OTOG: variants seen among roughly 807,000 people sequenced by gnomAD.
OTOG encodes otogelin.
In OTOG, 296 loss-of-function variants were observed where a neutral mutation model predicts 313.8. The observed-to-expected ratio is 0.94, with a 90% CI of 0.86 to 1.04. The LOEUF is 1.04. OTOG is among the 50% of genes least tolerant of loss of function. OTOG has a pLI of 0.00. For synonymous variants in OTOG, 1,533 were observed against 1,554.9 expected (o/e 0.99, Z 0.33); for missense variants, 3,948 against 3,840.1 (o/e 1.03, Z -0.74).
In OTOG at chr11:17,633,699, C is replaced by T; in HGVS notation, c.7092C>T (p.Asp2364=). ...SDYCPFLCSS[D]STYQACVTAC... The stretch of plus-strand genomic sequence containing the variant: ...CTGCAGCCTTCCTGTGCTCCAGCGA[C>T]TCCACATACCAGGCATGTGTGACAG... The change falls in exon 43 of 56, where the codon GAC becomes GAT. Residue 2364 remains aspartate, a synonymous_variant. Coordinates refer to ENST00000399397, the MANE Select transcript of OTOG (RefSeq NM_001292063.2). 6.5e-7 allele frequency: 1 copy of T among 1,542,846 alleles called. No individual in the cohort carries two copies. The highest frequency in any genetic ancestry group is 1.4e-5 in the African/African-American group (1 of 73,022).
chr11:17,616,194 C>T (rs1266183655), intron 39 of OTOG, among the ~76,000 whole-genome samples: 2 of 151,826 alleles, frequency 1.3e-5, no homozygotes, highest in Non-Finnish European at 2.9e-5. Context: ...AAGTAGAGGA[C>T]AACAAGTGTA....
chr11:17,578,596 G>C (rs1178397787), intron 23 of OTOG, 70 bp downstream of exon 23: 1 of 1,450,664 alleles, frequency 6.9e-7, no homozygotes, highest in African/African-American at 1.4e-5. Flanking sequence ...AGGGTGGAGT[G>C]GGGGCAGGGA....
At position 17,596,164 on chromosome 11, in the gene OTOG, C is replaced by A. The variant is rs113275496; in HGVS notation, c.3525+10C>A. ...GATCTGCCACCCTGTGGTGAGTGTA[C>A]CCCAGCCTCGGCTCCTCCCGAGTGC... On this transcript the variant is annotated intron_variant, in intron 29 of 55. Transcript: ENST00000399397. 8.1e-4 allele frequency: 1,243 copies of A among 1,539,728 alleles called. 9 individuals carry two copies. In the African/African-American group the frequency reaches 0.014, roughly 18 times the overall value.
rs780024041 is a variant in OTOG at position 17,631,744 on chromosome 11, A to G, written c.6755A>G (p.Asp2252Gly). The G allele has an allele frequency of 2.5e-5, 39 of 1,550,454 alleles. No homozygotes were observed. In the South Asian group the frequency reaches 4.5e-4, roughly 18 times the overall value. ...GCAGCCAATGACCTTACCCTGAAGG[A>G]TGGCTCAGTGGTGGGTGGGGCTGAG... ...GDAANDLTLK[D>G]GSVVGGAEDP... The change falls in exon 41 of 56, where the codon GAT becomes GGT. Residue 2252 changes from aspartate to glycine, a missense_variant. Asp to Gly is a moderately conservative substitution (Grantham distance 94). Coordinates refer to ENST00000399397, the MANE Select transcript of OTOG (RefSeq NM_001292063.2).
At chr11:17,595,056 C>T (rs751746771) in intron 28 of OTOG, among the ~76,000 whole-genome samples, 3 of 152,124 alleles carry the variant, frequency 2.0e-5, no homozygotes, top group Non-Finnish European at 4.4e-5. Flanking sequence ...GATCTTAATG[C>T]CCTGCTGGGA....
At chr11:17,613,166 TC>T (rs752728952) in intron 38 of OTOG, among the ~76,000 whole-genome samples, 1 of 144,392 alleles carries the variant, frequency 6.9e-6, no homozygotes, top group East Asian at 2.0e-4. Flanking sequence ...TCTTCTCTTC[TC>T]CCTTTTCTTT....
At chr11:17,578,671 G>A (rs1020576096) in intron 23 of OTOG, 145 bp downstream of exon 23, 3 of 1,104,806 alleles carry the variant, frequency 2.7e-6, no homozygotes, top group Non-Finnish European at 3.7e-6. Context: ...GTAATGGCCA[G>A]AGAGGAGTCT....
chr11:17,619,230 G>A (rs914412641), intron 39 of OTOG, among the ~76,000 whole-genome samples: 25 of 152,120 alleles, frequency 1.6e-4, no homozygotes, highest in Non-Finnish European at 3.1e-4. Context: ...GTGATTGCAC[G>A]ACTGCACTCC....
chr11:17,635,532 C>T (rs1854243565), intron 46 of OTOG, 78 bp from the exon 47 acceptor site: 1 of 1,192,728 alleles, frequency 8.4e-7, no homozygotes. Context: ...TTGAGGAGGC[C>T]CCACCCCCAG....
intron 31 of OTOG, among the ~76,000 whole-genome samples, chr11:17,601,864 A>G (rs1361198455): frequency 6.6e-6 from 1 of 152,182 alleles, no homozygotes; most frequent in Non-Finnish European, 1.5e-5. Flanking sequence ...GGGACCTTGA[A>G]TAGAGCAGTG....
chr11:17,577,040 C>T lies in OTOG; in HGVS notation c.2605+129C>T, dbSNP rs945394563. 5 of 937,698 alleles carry T rather than the reference C, an allele frequency of 5.3e-6. No individual in the cohort carries two copies. In the African/African-American group the frequency reaches 8.4e-5, roughly 16 times the overall value. 58.1% of individuals were successfully genotyped at this position (937,698 alleles called of 1,614,324 possible). A position where few individuals can be genotyped will look rare whatever the true frequency, so the allele number is the denominator to read the frequency against. On this transcript the variant is annotated intron_variant, in intron 22 of 55. Transcript: ENST00000399397. ...TGCCCTACATTGGGCCTTCCGTATT[C>T]CTTGCCCTCTTGGCAAAGACTCCAG...
Position 17,629,309 on chromosome 11 carries a change from C to T in OTOG, c.6705C>T (p.Gly2235=), listed in dbSNP as rs1279661374. ...AAACCAGCAAGGCCCAGGGCCATGG[C>T]CTGTGCGGTGAGGTGGAACCCAGCT... The part of the protein sequence containing the change: ...ASKTSKAQGH[G]LCGICDGDAA... The change falls in exon 40 of 56, where the codon GGC becomes GGT. Residue 2235 remains glycine (G), a synonymous_variant. Transcript: ENST00000399397. The T allele has an allele frequency of 3.9e-6, 6 of 1,549,720 alleles. No homozygotes were observed. The highest frequency in any genetic ancestry group is 4.4e-6 in the Non-Finnish European group (5 of 1,146,706).
chr11:17,610,049 A>C lies in OTOG; in HGVS notation c.4749A>C (p.Ser1583=), dbSNP rs1187429551. 2 of 1,550,124 alleles carry C rather than the reference A, an allele frequency of 1.3e-6. No homozygotes were observed. The part of the protein sequence containing the change: ...ALQTPTPGMV[S]GAMETTRVTV... ...AGACACCCACACCTGGCATGGTGTCAGGTGCCATGGAGACAACAAGGGTGA... is the reference window on the plus strand; with the variant it reads ...AGACACCCACACCTGGCATGGTGTCCGGTGCCATGGAGACAACAAGGGTGA... The change falls in exon 36 of 56, where the codon TCA becomes TCC. Residue 1583 remains serine, a synonymous_variant. Transcript: ENST00000399397.
chr11:17,581,846 C>T (rs865820437), intron 23 of OTOG, among the ~76,000 whole-genome samples: 2 of 152,156 alleles, frequency 1.3e-5, no homozygotes, highest in Non-Finnish European at 2.9e-5. Context: ...CAGCCGGTTC[C>T]GCCCCCACCA....
chr11:17,645,872 C>T lies in OTOG; in HGVS notation c.8670C>T (p.Phe2890=). 6.4e-7 allele frequency: 1 copy of T among 1,550,782 alleles called. No individual in the cohort carries two copies. Among genetic ancestry groups the T allele is most frequent in the East Asian group, 2.4e-5 (1 of 40,924 alleles). The part of the protein sequence containing the change: ...VGLQRRSVQL[F]CATNATWVPY... ...TGCAGCGGCGCTCTGTGCAGCTCTT[C>T]TGTGCCACCAATGCCACCTGGGTGC... The change falls in exon 56 of 56, where the codon TTC becomes TTT. Residue 2890 remains phenylalanine (F), a synonymous_variant. Transcript: ENST00000399397.
chr11:17,586,851 T>TA (rs2134050017), intron 24 of OTOG, among the ~76,000 whole-genome samples: 1 of 152,362 alleles, frequency 6.6e-6, no homozygotes, highest in East Asian at 1.9e-4. Flanking sequence ...TTTGTTTGCA[T>TA]ATTTATATGA....
rs774317885 is a variant in OTOG, at chr11:17,610,202, C to G, written c.4902C>G (p.Pro1634=). Reference sequence around the variant, plus strand: ...GCTCCTTGCCTGTTAGGACGACACCCCCACAGCCCTCCTTGACAGCAAGTC... The same window carrying G: ...GCTCCTTGCCTGTTAGGACGACACCGCCACAGCCCTCCTTGACAGCAAGTC... The part of the protein sequence containing the change: ...GHGSLPVRTT[P]PQPSLTASPS... Residue 1634 remains proline (P), a synonymous_variant, in exon 36 of 56, where the codon CCC becomes CCG. Coordinates refer to ENST00000399397, the MANE Select transcript of OTOG (RefSeq NM_001292063.2). 5 of 1,550,392 alleles carry G rather than the reference C, an allele frequency of 3.2e-6. No homozygotes were observed. The highest frequency in any genetic ancestry group is 3.5e-6 in the Non-Finnish European group (4 of 1,146,918).
At chr11:17,595,158 C>T (rs1590028205) in intron 28 of OTOG, among the ~76,000 whole-genome samples, 1 of 152,070 alleles carries the variant, frequency 6.6e-6, no homozygotes, top group Non-Finnish European at 1.5e-5. Context: ...CAGGGCTGTT[C>T]CCACAGCCTC....
chr11:17,584,046 G>A (rs1460475246), intron 23 of OTOG, among the ~76,000 whole-genome samples: 1 of 152,014 alleles, frequency 6.6e-6, no homozygotes, highest in Non-Finnish European at 1.5e-5. Context: ...ATTTTTCATA[G>A]GTATTTGCTG....
Sources: gnomAD v4.1 joint callset for allele counts (sites outside exome capture counted in the v4.1 genomes callset) on GRCh38, gnomAD v4.1.1 for gene constraint, MANE v1.5 for transcripts, NCBI Gene and HGNC (gene_info 2026-07-23, HGNC 2026-07-21) for gene names.